DPH1: variants seen among roughly 807,000 people sequenced by gnomAD.
The protein encoded by DPH1 is 2-(3-amino-3-carboxypropyl)histidine synthase subunit 1.
Under a neutral mutation model 55.3 loss-of-function variants are expected in DPH1, and 59 were observed. The observed-to-expected ratio is 1.07, with a 90% CI of 0.87 to 1.33. The LOEUF (loss-of-function observed/expected upper bound fraction) is 1.33, where lower values mean the gene tolerates loss of function less well. Among genes scored for constraint, DPH1 ranks in the 40% most tolerant of loss-of-function variants. The pLI, the probability that DPH1 is intolerant of heterozygous loss-of-function variation, is 0.00. For missense variants in DPH1, 628 were observed against 584.8 expected (o/e 1.07, Z -0.76); for synonymous variants, 238 against 235.5 (o/e 1.01, Z -0.10).
At chr17:2,030,363 C>G in intron 1 of DPH1, 133 bp downstream of exon 1, 1 of 1,110,066 alleles carries the variant, frequency 9.0e-7, no homozygotes, top group Non-Finnish European at 1.3e-6. Flanking sequence ...CGCCTTGGGC[C>G]GCTGTCACCA....
At chr17:2,042,539 C>T (rs974725460) in intron 12 of DPH1, 66 bp from the exon 13 acceptor site, 1 of 1,480,324 alleles carries the variant, frequency 6.8e-7, no homozygotes, top group Non-Finnish European at 8.9e-7. Flanking sequence ...CCTGCCCTTT[C>T]TCATTTCTTT....
Position 2,036,096 on chromosome 17 carries a change from G to T in DPH1, c.400+5G>T. On this transcript the variant is annotated splice_donor_5th_base_variant and intron_variant, in intron 4 of 12. Transcript: ENST00000263083. This position sits in a 1 kb window ranked among gnomAD's most constrained non-coding sequence, Gnocchi z 4.8. ...ACTACGGCCACAGTTGCCTGAGTAT[G>T]GTGGGGCCAGGACACCTGGACGGTG... 1 of 1,613,792 alleles carries T rather than the reference G, an allele frequency of 6.2e-7. No homozygotes were observed. The highest frequency in any genetic ancestry group is 8.5e-7 in the Non-Finnish European group (1 of 1,179,858).
At position 2,041,558 on chromosome 17, in the gene DPH1, C is replaced by T. The variant is rs745784408; in HGVS notation, c.1164C>T (p.Pro388=). Residue 388 remains proline, a synonymous_variant, in exon 11 of 13, where the codon CCC becomes CCT. Transcript: ENST00000263083. ...MDFYAGSSLG[P]WTVNHGQDRR... ...TCTACGCTGGCAGCTCCTTGGGGCC[C>T]TGGACGGTGAACCACGGCCAGGACC... 3.7e-6 allele frequency: 6 copies of T among 1,612,174 alleles called. No homozygotes were observed. The highest frequency in any genetic ancestry group is 4.2e-6 in the Non-Finnish European group (5 of 1,179,416).
At chr17:2,041,993 C>T (rs2067538864) in intron 12 of DPH1, 118 bp downstream of exon 12, 4 of 1,489,758 alleles carry the variant, frequency 2.7e-6, no homozygotes, top group Non-Finnish European at 2.7e-6. Flanking sequence ...GTGCATTGTG[C>T]TTCCGCTCGG....
Position 2,042,900 on chromosome 17 carries a change from A to G in DPH1, c.*314A>G. On this transcript the variant is annotated 3_prime_UTR_variant, in exon 13 of 13. Transcript: ENST00000263083. ...GTCCCCGGGGCATTGGGTTCAAGGA[A>G]TCCATCCTGCAAAGGCCCTTGTCAT... 3.7e-6 allele frequency: 6 copies of G among 1,614,098 alleles called. No individual in the cohort carries two copies. Among genetic ancestry groups the G allele is most frequent in the Non-Finnish European group, 5.1e-6 (6 of 1,180,022 alleles).
In DPH1 at chr17:2,030,189, C is replaced by G. The variant is rs1474239148; in HGVS notation, c.20C>G (p.Ser7Cys). ...CAGGTGATGGCGGCGCTGGTCGTATCCGGGGCAGCGGAGCAGGGCGGCCGA... is the reference window on the plus strand; with the variant it reads ...CAGGTGATGGCGGCGCTGGTCGTATGCGGGGCAGCGGAGCAGGGCGGCCGA... MAALVV[S>C]GAAEQGGRDG... The change falls in exon 1 of 13, where the codon TCC (serine) becomes TGC (cysteine). Residue 7 changes from serine to cysteine, a missense_variant. Transcript: ENST00000263083. 1 of 1,602,932 alleles carries G rather than the reference C, an allele frequency of 6.2e-7. No homozygotes were observed. The highest frequency in any genetic ancestry group is 8.5e-7 in the Non-Finnish European group (1 of 1,175,906).
Position 2,041,840 on chromosome 17 carries a change from G to T in DPH1, c.1300G>T (p.Ala434Ser). 1 of 1,600,824 alleles carries T rather than the reference G, an allele frequency of 6.2e-7. No individual in the cohort carries two copies. ...CTGCAGCTGCAGGGACGAGAAGGTG[G>T]CGCCGCTGGCTCCTTGACGCGCTCC... ...EDCSCRDEKV[A>S]PLAP The change falls in exon 12 of 13, where the codon GCG (alanine) becomes TCG (serine). Residue 434 changes from alanine to serine, a missense_variant. Transcript: ENST00000263083.
chr17:2,033,988 C>T (rs1199065411), intron 3 of DPH1, 146 bp downstream of exon 3: 11 of 894,550 alleles, frequency 1.2e-5, no homozygotes, highest in Non-Finnish European at 1.5e-5. Context: ...ACCATACACA[C>T]ACTCAGGGAA....
intron 3 of DPH1, among the ~76,000 whole-genome samples, chr17:2,035,556 G>T (rs1463434606): frequency 8.7e-6 from 1 of 115,028 alleles, no homozygotes; most frequent in Non-Finnish European, 1.9e-5. Flanking sequence ...GAGGGAGGCT[G>T]TGTGTATTCA....
rs2067581784 is a variant in DPH1 at position 2,043,368 on chromosome 17, T to TGG, written c.*785_*786dup. 1 of 437,318 alleles carries TGG rather than the reference T, an allele frequency of 2.3e-6. No homozygotes were observed. Among genetic ancestry groups the TGG allele is most frequent in the Non-Finnish European group, 4.1e-6 (1 of 246,898 alleles). 27.1% of individuals were successfully genotyped at this position (437,318 alleles called of 1,614,324 possible). A position where few individuals can be genotyped will look rare whatever the true frequency, so the allele number is the denominator to read the frequency against. On this transcript the variant is annotated 3_prime_UTR_variant, in exon 13 of 13. Transcript: ENST00000263083. ...AGAGCCCTGGATTAGGAGGGTGACA[T>TGG]GGGGAAGGCAGAGGCTGGCACCATG... is the stretch of plus-strand genomic sequence containing the variant.
chr17:2,033,363 G>A (rs1392677508), intron 1 of DPH1, 142 bp from the exon 2 acceptor site: 1 of 1,266,436 alleles, frequency 7.9e-7, no homozygotes, highest in Non-Finnish European at 1.1e-6. Flanking sequence ...AAGATGCCTG[G>A]GATTTTTCTT....
chr17:2,036,308 A>AAAGGCTG lies in DPH1; in HGVS notation c.400+218_401-214dup. Reference sequence around the variant, plus strand: ...GCTCTGTCCCAGATGCAGGTGTTTGAAAGGCTGTTGGTTGTAGAGCAGGCT... The same window carrying AAAGGCTG: ...GCTCTGTCCCAGATGCAGGTGTTTGAAAGGCTGAAGGCTGTTGGTTGTAGAGCAGGCT... On this transcript the variant is annotated intron_variant, in intron 4 of 12. Transcript: ENST00000263083. The surrounding 1 kb of genome is among the most constrained non-coding windows in gnomAD (Gnocchi z 4.8). 1 of 1,085,950 alleles carries AAAGGCTG rather than the reference A, an allele frequency of 9.2e-7. No individual in the cohort carries two copies. The highest frequency in any genetic ancestry group is 1.3e-6 in the Non-Finnish European group (1 of 779,798). The allele number at this position is 1,085,950 out of a possible 1,614,324, so 67.3% of individuals were successfully genotyped here.
chr17:2,042,054 G>A, intron 12 of DPH1, 179 bp downstream of exon 12: 3 of 1,530,502 alleles, frequency 2.0e-6, no homozygotes, highest in Non-Finnish European at 2.6e-6. Context: ...CATAATGGCC[G>A]CGCAGCGACC....
In DPH1 at chr17:2,043,170, C is replaced by T; in HGVS notation, c.*584C>T. 6 of 1,537,460 alleles carry T rather than the reference C, an allele frequency of 3.9e-6. No individual in the cohort carries two copies. Among genetic ancestry groups the T allele is most frequent in the Non-Finnish European group, 5.3e-6 (6 of 1,135,364 alleles). ...AGGGGCAGCCTCCGTCATCCATGCCCTCCCAGGACCCTCCACTCACTGCTG... is the reference window on the plus strand; with the variant it reads ...AGGGGCAGCCTCCGTCATCCATGCCTTCCCAGGACCCTCCACTCACTGCTG... On this transcript the variant is annotated 3_prime_UTR_variant, in exon 13 of 13. Transcript: ENST00000263083.
intron 10 of DPH1, 66 bp downstream of exon 10, chr17:2,041,247 A>G (rs2067516810): frequency 3.9e-6 from 6 of 1,545,730 alleles, no homozygotes; most frequent in Non-Finnish European, 5.3e-6. Flanking sequence ...TCTGGAGTGG[A>G]GTGGGGTGGG....
chr17:2,033,564 C>T lies in DPH1; in HGVS notation c.121C>T (p.Gln41Ter). Residue 41 changes from glutamine to a stop codon, truncating the protein, a stop_gained, in exon 2 of 13, where the codon CAG becomes TAG. Coordinates refer to ENST00000263083, the MANE Select transcript of DPH1 (RefSeq NM_001383.6). LOFTEE classifies it high-confidence loss of function. ...QIPPEILKNP[Q>*]LQAAIRVLPS... is the part of the protein sequence containing the mutation. Reference sequence around the variant, plus strand: ...CCCCCCTGAGATCCTGAAGAACCCTCAGCTGCAGGCAGCAATCCGGGTCCT... The same window carrying T: ...CCCCCCTGAGATCCTGAAGAACCCTTAGCTGCAGGCAGCAATCCGGGTCCT... 1 of 1,614,242 alleles carries T rather than the reference C, an allele frequency of 6.2e-7. No homozygotes were observed. The highest frequency in any genetic ancestry group is 1.1e-5 in the South Asian group (1 of 91,082).
Position 2,039,768 on chromosome 17 carries a change from G to A in DPH1, c.694G>A (p.Gly232Ser), listed in dbSNP as rs1422021128. ...EVEAVVYLGD[G>S]RFHLESVMIA... The stretch of plus-strand genomic sequence containing the variant: ...CCACCCCTGCAGGTATCTTGGAGAT[G>A]GCCGCTTCCATCTGGAGTCTGTCAT... Residue 232 changes from glycine (G) to serine (S), a missense_variant, in exon 7 of 13, where the codon GGC becomes AGC. Transcript: ENST00000263083. The A allele has an allele frequency of 6.2e-7, 1 of 1,614,130 alleles. No homozygotes were observed. The highest frequency in any genetic ancestry group is 1.7e-5 in the Admixed American group (1 of 60,026).
chr17:2,032,018 C>T (rs1478752285), intron 1 of DPH1, among the ~76,000 whole-genome samples: 1 of 152,130 alleles, frequency 6.6e-6, no homozygotes, highest in African/African-American at 2.4e-5. Context: ...AATGGGACAG[C>T]TAAGTCAGTT....
Position 2,033,802 on chromosome 17 carries a change from C to G in DPH1, c.238C>G (p.Leu80Val), listed in dbSNP as rs2067364867. The change falls in exon 3 of 13, where the codon CTC becomes GTC. Residue 80 changes from leucine to valine, a missense_variant. Transcript: ENST00000263083. ...AGTGGCCTTGCAAATGCCGGAAGGC[C>G]TCCTCCTCTTTGCCTGTACCATTGT... ...KKVALQMPEG[L>V]LLFACTIVDI... 2 of 1,614,214 alleles carry G rather than the reference C, an allele frequency of 1.2e-6. No individual in the cohort carries two copies. The highest frequency in any genetic ancestry group is 1.7e-6 in the Non-Finnish European group (2 of 1,180,042).
Sources: gnomAD v4.1 joint callset for allele counts (sites outside exome capture counted in the v4.1 genomes callset) on GRCh38, gnomAD v4.1.1 for gene constraint, Gnocchi (gnomAD v3.1) non-coding constraint, MANE v1.5 for transcripts, NCBI Gene and HGNC (gene_info 2026-07-23, HGNC 2026-07-21) for gene names.